ITGA9: variants seen among roughly 807,000 people sequenced by gnomAD.
ITGA9 encodes integrin alpha-9.
In ITGA9, 56 loss-of-function variants were observed where a neutral mutation model predicts 127.8. The observed-to-expected ratio is 0.44, with a 90% CI of 0.35 to 0.55. The LOEUF (loss-of-function observed/expected upper bound fraction) is 0.55, where lower values mean the gene tolerates loss of function less well. Ranked by LOEUF, ITGA9 falls within the 20% of genes least tolerant of loss-of-function variation. ITGA9 has a pLI of 0.00. For synonymous variants in ITGA9, 508 were observed against 514.5 expected (o/e 0.99, Z 0.17); for missense variants, 1,196 against 1,347.1 (o/e 0.89, Z 1.76).
intron 15 of ITGA9, among the ~76,000 whole-genome samples, chr3:37,570,801 C>G (rs1699592518): frequency 6.6e-6 from 1 of 152,156 alleles, no homozygotes; most frequent in African/African-American, 2.4e-5. Flanking sequence ...AGAAGTAGAG[C>G]TGGATGAGAA....
At chr3:37,555,511 A>G (rs545441186) in intron 15 of ITGA9, among the ~76,000 whole-genome samples, 1 of 152,254 alleles carries the variant, frequency 6.6e-6, no homozygotes, top group East Asian at 1.9e-4. Flanking sequence ...CATGTTGGAC[A>G]GTGCAGATAT....
intron 10 of ITGA9, 83 bp downstream of exon 10, chr3:37,517,692 G>C: frequency 2.0e-6 from 2 of 992,424 alleles, no homozygotes; most frequent in South Asian, 2.8e-5. Context: ...CTCGCTGACT[G>C]TCCATCTCTA....
At chr3:37,603,740 A>G (rs7374258) in intron 15 of ITGA9, among the ~76,000 whole-genome samples, 3 of 151,994 alleles carry the variant, frequency 2.0e-5, no homozygotes, top group Non-Finnish European at 2.9e-5. Context: ...ATGAGATGTA[A>G]CTCCTTTCAC....
At chr3:37,453,888 G>A (rs187282451) in intron 1 of ITGA9, among the ~76,000 whole-genome samples, 1 of 152,126 alleles carries the variant, frequency 6.6e-6, no homozygotes, top group African/African-American at 2.4e-5. Flanking sequence ...CATAGCTCTC[G>A]CCCAGCTCCA....
chr3:37,797,419 T>C (rs973144817), intron 26 of ITGA9, among the ~76,000 whole-genome samples: 3 of 152,166 alleles, frequency 2.0e-5, no homozygotes, highest in Non-Finnish European at 2.9e-5. Context: ...AGAAGCTCCA[T>C]TGTATACACT....
rs60980366 is a variant in ITGA9 at position 37,466,483 on chromosome 3, CAAAAAAAAA to C, written c.186-4502_186-4494del. On this transcript the variant is annotated intron_variant, in intron 1 of 27. Transcript: ENST00000264741. ...TGGGTAACAGAGCAAGACACCATCT[CAAAAAAAAA>C]AAAAAAAAAAAAAAAAAAAAAGGGC... is the stretch of plus-strand genomic sequence containing the variant. Among the ~76,000 whole-genome samples, 26 of 26,062 alleles carry C rather than the reference CAAAAAAAAA, an allele frequency of 1.0e-3. No homozygotes were observed. The South Asian group carries it at 0.041, about 41-fold the overall frequency. The allele number at this position is 26,062 out of a possible 152,430, so 17.1% of individuals were successfully genotyped here.
intron 12 of ITGA9, among the ~76,000 whole-genome samples, chr3:37,524,526 A>G (rs1243621413): frequency 6.6e-6 from 1 of 152,228 alleles, no homozygotes; most frequent in Non-Finnish European, 1.5e-5. Context: ...TTTTGTCCCA[A>G]GAAAGACCCT....
chr3:37,739,573 A>T (rs1696406400), intron 20 of ITGA9, among the ~76,000 whole-genome samples: 1 of 152,220 alleles, frequency 6.6e-6, no homozygotes, highest in South Asian at 2.1e-4. Context: ...GGGGGACATA[A>T]CATTGAGACT....
At chr3:37,607,556 T>C (rs1699979561) in intron 15 of ITGA9, among the ~76,000 whole-genome samples, 1 of 151,984 alleles carries the variant, frequency 6.6e-6, no homozygotes, top group Non-Finnish European at 1.5e-5. Context: ...CATAAGAGGG[T>C]CCTGCCTCTC....
chr3:37,507,108 C>T (rs1698853313), intron 7 of ITGA9, among the ~76,000 whole-genome samples: 1 of 152,198 alleles, frequency 6.6e-6, no homozygotes, highest in Admixed American at 6.5e-5. Context: ...TCCTCCCTAA[C>T]ACTGATGCTG....
chr3:37,653,854 A>T lies in ITGA9; in HGVS notation c.1916+64A>T, dbSNP rs1460246230. 6 of 1,173,432 alleles carry T rather than the reference A, an allele frequency of 5.1e-6. No homozygotes were observed. The East Asian group carries it at 1.4e-4, about 27-fold the overall frequency. 72.7% of individuals were successfully genotyped at this position (1,173,432 alleles called of 1,614,324 possible). A position where few individuals can be genotyped will look rare whatever the true frequency, so the allele number is the denominator to read the frequency against. On this transcript the variant is annotated intron_variant, in intron 17 of 27. Coordinates refer to ENST00000264741, the MANE Select transcript of ITGA9 (RefSeq NM_002207.3). ...CCTTTTTCTTGACCCCAGGTCCCAA[A>T]CCTGAATGTGCAGATTTCCCCACTG...
At chr3:37,530,953 G>T (rs1043171714) in intron 13 of ITGA9, among the ~76,000 whole-genome samples, 1 of 151,616 alleles carries the variant, frequency 6.6e-6, no homozygotes, top group Non-Finnish European at 1.5e-5. Context: ...GGGTTTCACC[G>T]TGTTAGCCAG....
intron 14 of ITGA9, among the ~76,000 whole-genome samples, chr3:37,541,678 GGTCATA>G (rs759555251): frequency 6.6e-6 from 1 of 152,110 alleles, no homozygotes; most frequent in Non-Finnish European, 1.5e-5. Context: ...GCCCTACCGT[GGTCATA>G]GTTTTGTTGA....
chr3:37,636,090 A>G (rs1270162819), intron 16 of ITGA9, among the ~76,000 whole-genome samples: 2 of 152,062 alleles, frequency 1.3e-5, no homozygotes, highest in Admixed American at 6.5e-5. Context: ...TGCTATAAAC[A>G]TACATGTGCG....
At chr3:37,666,112 A>AC (rs1172576866) in intron 17 of ITGA9, among the ~76,000 whole-genome samples, 1 of 152,224 alleles carries the variant, frequency 6.6e-6, no homozygotes, top group African/African-American at 2.4e-5. Flanking sequence ...AAGGGGAGAC[A>AC]CACATGAAAA....
chr3:37,746,360 C>T (rs1381205024), intron 22 of ITGA9, among the ~76,000 whole-genome samples: 1 of 152,144 alleles, frequency 6.6e-6, no homozygotes, highest in Admixed American at 6.6e-5. Flanking sequence ...TTTTACATTT[C>T]ATCATAGTTT....
intron 1 of ITGA9, among the ~76,000 whole-genome samples, chr3:37,465,341 G>T (rs1329470306): frequency 6.6e-6 from 1 of 152,174 alleles, no homozygotes; most frequent in Non-Finnish European, 1.5e-5. Context: ...ACCACACACA[G>T]GGAGCTCAGG....
chr3:37,568,880 C>T (rs1326593265), intron 15 of ITGA9, among the ~76,000 whole-genome samples: 1 of 152,214 alleles, frequency 6.6e-6, no homozygotes, highest in Non-Finnish European at 1.5e-5. Flanking sequence ...TTCTTCTGAA[C>T]CCTCCAAACT....
chr3:37,547,125 T>C (rs900812817), intron 15 of ITGA9, among the ~76,000 whole-genome samples: 1 of 152,056 alleles, frequency 6.6e-6, no homozygotes, highest in African/African-American at 2.4e-5. Context: ...TTAGGGAACT[T>C]TTTTTGAACA....
Sources: gnomAD v4.1 joint callset for allele counts (sites outside exome capture counted in the v4.1 genomes callset) on GRCh38, gnomAD v4.1.1 for gene constraint, MANE v1.5 for transcripts, NCBI Gene and HGNC (gene_info 2026-07-23, HGNC 2026-07-21) for gene names.